The following ADAMTS17 variants were observed in gnomAD, a reference collection of about 807,000 sequenced individuals.
ADAMTS17 encodes the protein A disintegrin and metalloproteinase with thrombospondin motifs 17.
A neutral mutation model predicts 141.5 loss-of-function variants in ADAMTS17; 113 were observed. The observed-to-expected ratio is 0.80, with a 90% CI of 0.69 to 0.93. ADAMTS17 has a LOEUF of 0.93. Ranked by LOEUF, ADAMTS17 falls within the 40% of genes least tolerant of loss-of-function variation. The probability of loss-of-function intolerance (pLI) is 0.00; values close to 1 mark genes in which losing one functional copy is unlikely to be tolerated. For synonymous variants in ADAMTS17, 768 were observed against 630.6 expected (o/e 1.22, Z -3.27); for missense variants, 1,659 against 1,517.9 (o/e 1.09, Z -1.54).
intron 15 of ADAMTS17, among the ~76,000 whole-genome samples, chr15:100,056,853 C>T (rs1355682383): frequency 6.6e-6 from 1 of 152,114 alleles, no homozygotes; most frequent in Non-Finnish European, 1.5e-5. Flanking sequence ...AGGGAGCTCA[C>T]AGTTTGGAAG....
chr15:100,124,446 C>A (rs28480168), intron 12 of ADAMTS17, among the ~76,000 whole-genome samples: 1 of 152,306 alleles, frequency 6.6e-6, no homozygotes, highest in East Asian at 1.9e-4. Flanking sequence ...CGCATCCGAA[C>A]GGCCAAAACC....
chr15:100,135,474 G>A (rs980612924), intron 10 of ADAMTS17, among the ~76,000 whole-genome samples: 10 of 151,978 alleles, frequency 6.6e-5, no homozygotes, highest in Admixed American at 1.3e-4. Flanking sequence ...TAGTAGAGAC[G>A]GGGTTTCAGC....
intron 12 of ADAMTS17, among the ~76,000 whole-genome samples, chr15:100,121,530 A>C (rs922785434): frequency 2.6e-5 from 4 of 152,172 alleles, no homozygotes; most frequent in Non-Finnish European, 5.9e-5. Context: ...GCCAAAAAGA[A>C]GTGTGCTTAT....
At chr15:100,201,730 G>C (rs928916917) in intron 7 of ADAMTS17, among the ~76,000 whole-genome samples, 3 of 151,958 alleles carry the variant, frequency 2.0e-5, no homozygotes, top group African/African-American at 7.2e-5. Flanking sequence ...TGGCCACGTG[G>C]ATGTCACAAC....
chr15:100,238,455 T>G (rs1423718777), intron 7 of ADAMTS17, among the ~76,000 whole-genome samples: 1 of 152,194 alleles, frequency 6.6e-6, no homozygotes, highest in African/African-American at 2.4e-5. Flanking sequence ...CAGTAGGCAC[T>G]CAATAGAGTT....
At chr15:100,301,580 C>T (rs1404389761) in intron 3 of ADAMTS17, among the ~76,000 whole-genome samples, 2 of 151,596 alleles carry the variant, frequency 1.3e-5, no homozygotes, top group Non-Finnish European at 1.5e-5. Flanking sequence ...TGTGATCCAC[C>T]TCAGCCTCCC....
At chr15:100,271,532 T>A (rs1420809048) in intron 4 of ADAMTS17, among the ~76,000 whole-genome samples, 1 of 132,264 alleles carries the variant, frequency 7.6e-6, no homozygotes, top group Non-Finnish European at 1.6e-5. Flanking sequence ...TATTTGTACA[T>A]CTTCTTCGTA....
rs543705080 is a variant in ADAMTS17, at chr15:100,167,338, C to T, written c.1182-12018G>A. The stretch of plus-strand genomic sequence containing the variant: ...AGGTGTAGACATCAGGAGCTGAAAG[C>T]GTGGGCATTCAGAAAAGGGAGCCCT... On this transcript the variant is annotated intron_variant, in intron 8 of 21. Transcript: ENST00000268070. 2.6e-5 allele frequency among the ~76,000 whole-genome samples: 4 copies of T among 152,246 alleles called. No individual in the cohort carries two copies. In the South Asian group the frequency reaches 6.2e-4, roughly 24 times the overall value.
chr15:100,129,314 C>A (rs35897334), intron 12 of ADAMTS17: 1 of 152,162 alleles, frequency 6.6e-6, no homozygotes, highest in Non-Finnish European at 1.5e-5. Flanking sequence ...CAACTGGTAC[C>A]ATCCTCGTTC....
chr15:100,132,214 C>T, intron 11 of ADAMTS17, 62 bp from the exon 12 acceptor site: 2 of 1,578,424 alleles, frequency 1.3e-6, no homozygotes, highest in Non-Finnish European at 8.6e-7. Context: ...CTCCAGCCCG[C>T]CAGGCCCCAA....
chr15:100,078,313 G>C (rs1163661062), intron 15 of ADAMTS17, among the ~76,000 whole-genome samples: 1 of 151,758 alleles, frequency 6.6e-6, no homozygotes, highest in African/African-American at 2.4e-5. Flanking sequence ...AAAAGAAGTT[G>C]AAGAACTCAG....
intron 8 of ADAMTS17, among the ~76,000 whole-genome samples, chr15:100,180,785 G>A (rs1176375259): frequency 1.3e-5 from 2 of 152,116 alleles, no homozygotes; most frequent in African/African-American, 4.8e-5. Flanking sequence ...TATTATAAAT[G>A]GGATTACCCA....
chr15:100,152,732 C>T lies in ADAMTS17; in HGVS notation c.1353G>A (p.Thr451=), dbSNP rs143896591. Residue 451 remains threonine, a synonymous_variant, in exon 10 of 22, where the codon ACG becomes ACA. Transcript: ENST00000268070. ...KSKVSTCLLV[T]DPRSQHTVRL... is the part of the protein sequence containing the mutation. Reference sequence around the variant, plus strand: ...GTACTGTGTGCTGGCTTCTGGGGTCCGTGACTAGCAAGCAGGTGCTGACTT... The same window carrying T: ...GTACTGTGTGCTGGCTTCTGGGGTCTGTGACTAGCAAGCAGGTGCTGACTT... 2.7e-4 allele frequency: 441 copies of T among 1,614,178 alleles called. No individual in the cohort carries two copies. Among genetic ancestry groups the T allele is most frequent in the East Asian group, 9.1e-4 (41 of 44,876 alleles).
At chr15:100,233,522 T>C (rs938764648) in intron 7 of ADAMTS17, among the ~76,000 whole-genome samples, 2 of 152,126 alleles carry the variant, frequency 1.3e-5, no homozygotes, top group African/African-American at 4.8e-5. Context: ...GTTTAAATGT[T>C]TTGATTAGTG....
At chr15:100,103,267 T>G (rs2036228116) in intron 14 of ADAMTS17, among the ~76,000 whole-genome samples, 2 of 152,210 alleles carry the variant, frequency 1.3e-5, no homozygotes, top group Admixed American at 1.3e-4. Flanking sequence ...AGATGCCAGC[T>G]GCAGGGTCAC....
intron 18 of ADAMTS17, among the ~76,000 whole-genome samples, chr15:100,011,645 G>A (rs961941340): frequency 6.6e-6 from 1 of 152,070 alleles, no homozygotes; most frequent in Non-Finnish European, 1.5e-5. Flanking sequence ...TCCTTGCATT[G>A]ATCCTATAAA....
At chr15:100,271,680 T>C (rs913301779) in intron 4 of ADAMTS17, among the ~76,000 whole-genome samples, 5 of 152,208 alleles carry the variant, frequency 3.3e-5, no homozygotes, top group African/African-American at 1.2e-4. Context: ...ATTCCGTGGG[T>C]TGCCATTTTA....
chr15:100,276,976 G>T (rs1260975265), intron 4 of ADAMTS17, among the ~76,000 whole-genome samples: 4 of 152,118 alleles, frequency 2.6e-5, no homozygotes, highest in African/African-American at 9.7e-5. Context: ...TTTACTTAAT[G>T]GTGGTCCAGG....
intron 18 of ADAMTS17, among the ~76,000 whole-genome samples, chr15:99,998,514 G>C (rs1447233590): frequency 6.6e-6 from 1 of 152,258 alleles, no homozygotes; most frequent in East Asian, 1.9e-4. Flanking sequence ...TGAGGCAGGA[G>C]AATCGCTTGA....
Sources: gnomAD v4.1 joint callset for allele counts (sites outside exome capture counted in the v4.1 genomes callset) on GRCh38, gnomAD v4.1.1 for gene constraint, MANE v1.5 for transcripts, NCBI Gene and HGNC (gene_info 2026-07-23, HGNC 2026-07-21) for gene names.